NREP: variants seen among roughly 807,000 people sequenced by gnomAD.
The protein encoded by NREP is neuronal regeneration related protein.
Under a neutral mutation model 8.6 loss-of-function variants are expected in NREP, and 5 were observed. The observed-to-expected ratio is 0.58, with a 90% CI of 0.30 to 1.22. The LOEUF is 1.22. Among genes scored for constraint, NREP ranks in the 50% most tolerant of loss-of-function variants. The probability of loss-of-function intolerance (pLI) is 0.07; values close to 1 mark genes in which losing one functional copy is unlikely to be tolerated. For synonymous variants in NREP, 27 were observed against 28.0 expected (o/e 0.96, Z 0.11); for missense variants, 86 against 82.5 (o/e 1.04, Z -0.17).
chr5:111,733,680 T>G (rs531896324), intron 3 of NREP: 1 of 152,136 alleles, frequency 6.6e-6, no homozygotes. Flanking sequence ...GGAAAAACGG[T>G]TCTTCTATCA....
intron 2 of NREP, among the ~76,000 whole-genome samples, chr5:111,831,502 C>A (rs948491487): frequency 6.6e-6 from 1 of 152,162 alleles, no homozygotes; most frequent in African/African-American, 2.4e-5. Context: ...TCGCTCTTCT[C>A]ATCATCCACA....
At chr5:111,817,853 T>G (rs1042226630) in intron 2 of NREP, among the ~76,000 whole-genome samples, 1 of 150,722 alleles carries the variant, frequency 6.6e-6, no homozygotes, top group Admixed American at 6.6e-5. Flanking sequence ...TATATGTGTA[T>G]GTATACACAC....
chr5:111,883,983 C>T (rs535088393), intron 2 of NREP, among the ~76,000 whole-genome samples: 1 of 152,060 alleles, frequency 6.6e-6, no homozygotes, highest in East Asian at 1.9e-4. Context: ...CAGAGCAGAA[C>T]TGAAGGAAAT....
At chr5:111,850,548 T>C (rs1044671538) in intron 2 of NREP, among the ~76,000 whole-genome samples, 6 of 152,142 alleles carry the variant, frequency 3.9e-5, no homozygotes, top group Non-Finnish European at 7.4e-5. Context: ...TTCTACCTTG[T>C]CAGCCCCAAA....
At chr5:111,817,356 A>T (rs1752406836) in intron 2 of NREP, among the ~76,000 whole-genome samples, 1 of 152,160 alleles carries the variant, frequency 6.6e-6, no homozygotes, top group African/African-American at 2.4e-5. Flanking sequence ...TCTCAATACC[A>T]GTGGGAAAGC....
intron 2 of NREP, chr5:111,846,116 TA>T (rs1204590830): frequency 6.5e-6 from 1 of 154,430 alleles, no homozygotes; most frequent in Non-Finnish European, 1.4e-5. Context: ...TTTTACCTCT[TA>T]AAAAATTACA....
At chr5:111,928,830 T>A (rs1345574197) in intron 2 of NREP, among the ~76,000 whole-genome samples, 1 of 152,102 alleles carries the variant, frequency 6.6e-6, no homozygotes, top group African/African-American at 2.4e-5. Context: ...CATTTAGAAG[T>A]ATGGAAGTTT....
chr5:111,883,792 C>T (rs540639022), intron 2 of NREP, among the ~76,000 whole-genome samples: 120 of 152,120 alleles, frequency 7.9e-4, no homozygotes, highest in Admixed American at 1.8e-3. Flanking sequence ...AAAGACACAA[C>T]ATACCAGAAT....
intron 2 of NREP, among the ~76,000 whole-genome samples, chr5:111,754,399 T>C (rs1397666605): frequency 1.3e-5 from 2 of 152,192 alleles, no homozygotes; most frequent in Non-Finnish European, 2.9e-5. Context: ...TATTGCAACA[T>C]ACATGAAACC....
intron 2 of NREP, among the ~76,000 whole-genome samples, chr5:111,790,347 C>CT (rs57775701): frequency 1.5e-4 from 9 of 59,632 alleles, no homozygotes; most frequent in African/African-American, 2.1e-4. Context: ...AAAACCTTAA[C>CT]TTTTTTTTTT....
rs935099616 is a variant in NREP at position 111,948,439 on chromosome 5, T to G, written c.135+26835A>C. Among the ~76,000 whole-genome samples the G allele has an allele frequency of 7.9e-5, 12 of 152,252 alleles. No individual in the cohort carries two copies. The East Asian group carries it at 9.7e-4, about 12-fold the overall frequency. ...TCAACTCTGGCCTATGCCATACATA[T>G]AAGAGAAACACTTTGGCAGTATTTG... is the stretch of plus-strand genomic sequence containing the variant. On this transcript the variant is annotated intron_variant, in intron 2 of 3. Coordinates refer to the NREP transcript ENST00000395634.
intron 2 of NREP, among the ~76,000 whole-genome samples, chr5:111,845,041 T>C (rs577419703): frequency 1.3e-5 from 2 of 151,986 alleles, no homozygotes; most frequent in Non-Finnish European, 2.9e-5. Flanking sequence ...AGTGCTGGGG[T>C]GGGTCGGGAG....
At chr5:111,823,080 T>C (rs905142960) in intron 2 of NREP, among the ~76,000 whole-genome samples, 4 of 152,160 alleles carry the variant, frequency 2.6e-5, no homozygotes, top group East Asian at 1.9e-4. Flanking sequence ...CTTGAACTCA[T>C]GGGGGAAGAC....
At chr5:111,927,448 T>A (rs1438127337) in intron 2 of NREP, among the ~76,000 whole-genome samples, 39 of 152,028 alleles carry the variant, frequency 2.6e-4, no homozygotes, top group Non-Finnish European at 1.0e-4. Flanking sequence ...AGATAAGCGC[T>A]CTGTGGAAAT....
At chr5:111,961,250 A>G (rs1756472625) in intron 2 of NREP, among the ~76,000 whole-genome samples, 2 of 152,208 alleles carry the variant, frequency 1.3e-5, no homozygotes, top group African/African-American at 2.4e-5. Context: ...AGCGGGACAG[A>G]AACTGAGCCC....
chr5:111,876,342 C>G (rs1753908875), intron 2 of NREP, among the ~76,000 whole-genome samples: 1 of 152,190 alleles, frequency 6.6e-6, no homozygotes, highest in Admixed American at 6.5e-5. Context: ...TAAATAATTT[C>G]CTTCTACCTC....
At chr5:111,789,214 T>C (rs998977646) in intron 2 of NREP, among the ~76,000 whole-genome samples, 1 of 152,236 alleles carries the variant, frequency 6.6e-6, no homozygotes, top group African/African-American at 2.4e-5. Context: ...ATTGTTTCTG[T>C]TTCTCTAGGG....
chr5:111,756,462 T>A (rs1043631540), intron 1 of NREP, among the ~76,000 whole-genome samples: 2 of 152,186 alleles, frequency 1.3e-5, no homozygotes, highest in African/African-American at 4.8e-5. Flanking sequence ...TTAACACAGT[T>A]ATGACAAAAA....
intron 2 of NREP, among the ~76,000 whole-genome samples, chr5:111,809,582 T>A (rs921151997): frequency 6.6e-6 from 1 of 152,110 alleles, no homozygotes; most frequent in Non-Finnish European, 1.5e-5. Context: ...TGGATTCTTA[T>A]AAAGCCAGGA....
Sources: gnomAD v4.1 joint callset for allele counts (sites outside exome capture counted in the v4.1 genomes callset) on GRCh38, gnomAD v4.1.1 for gene constraint, MANE v1.5 for transcripts, NCBI Gene and HGNC (gene_info 2026-07-23, HGNC 2026-07-21) for gene names.